Variants in CELF4 observed in about 807,000 individuals in gnomAD.
The protein encoded by CELF4 is CUGBP Elav-like family member 4, also known as CUG-BP- and ETR-3-like factor 4.
A neutral mutation model predicts 59.9 loss-of-function variants in CELF4; 18 were observed. The ratio of observed to expected loss-of-function variants is 0.30; its 90% CI spans 0.21 to 0.45. The LOEUF (loss-of-function observed/expected upper bound fraction) is 0.45, where lower values mean the gene tolerates loss of function less well. Among genes scored for constraint, CELF4 ranks in the 20% least tolerant of loss-of-function variants. The pLI is 1.00. For missense variants in CELF4, 456 were observed against 689.0 expected, an observed-to-expected ratio of 0.66 and a Z score of 3.79; for synonymous variants, 261 against 267.1, an observed-to-expected ratio of 0.98 and a Z score of 0.22.
chr18:37,502,243 C>T (rs981109961), intron 1 of CELF4, among the ~76,000 whole-genome samples: 31 of 152,154 alleles, frequency 2.0e-4, no homozygotes, highest in African/African-American at 3.6e-4. Context: ...CACTAATTAC[C>T]GCACAGACCT....
intron 2 of CELF4, among the ~76,000 whole-genome samples, chr18:37,453,148 C>T (rs2099768933): frequency 6.6e-6 from 1 of 152,256 alleles, no homozygotes; most frequent in South Asian, 2.1e-4. Flanking sequence ...CTGCCTGTAG[C>T]AATACCATTC....
chr18:37,266,866 G>A (rs1159113254), intron 8 of CELF4, among the ~76,000 whole-genome samples: 3 of 152,096 alleles, frequency 2.0e-5, no homozygotes, highest in Non-Finnish European at 2.9e-5. Context: ...GTAAGATGGG[G>A]GCTCATGCAG....
intron 3 of CELF4, among the ~76,000 whole-genome samples, chr18:37,318,362 G>A (rs558356229): frequency 2.0e-5 from 3 of 151,238 alleles, no homozygotes; most frequent in South Asian, 2.1e-4. Context: ...GCCCGCTGCC[G>A]TCATGCCACC....
chr18:37,478,487 A>T (rs2099856856), intron 2 of CELF4, among the ~76,000 whole-genome samples: 1 of 152,224 alleles, frequency 6.6e-6, no homozygotes, highest in Non-Finnish European at 1.5e-5. Context: ...GGCCACTGAG[A>T]AGATGAGGCC....
chr18:37,525,539 G>C (rs1383044310), intron 1 of CELF4, among the ~76,000 whole-genome samples: 1 of 143,772 alleles, frequency 7.0e-6, no homozygotes, highest in African/African-American at 2.5e-5. Flanking sequence ...TTGTGAACTT[G>C]AGCAAATATT....
At chr18:37,289,407 C>T (rs1603028118) in intron 3 of CELF4, among the ~76,000 whole-genome samples, 1 of 152,168 alleles carries the variant, frequency 6.6e-6, no homozygotes, top group African/African-American at 2.4e-5. Context: ...AAAATCAAGA[C>T]ATAGTCCTCC....
chr18:37,448,584 G>C (rs896455400), intron 2 of CELF4, among the ~76,000 whole-genome samples: 1 of 152,198 alleles, frequency 6.6e-6, no homozygotes, highest in African/African-American at 2.4e-5. Context: ...TTTCCGTCTT[G>C]CGCAGGTGCT....
At position 37,449,741 on chromosome 18, in the gene CELF4, G is replaced by A. The variant is rs537360002; in HGVS notation, c.369+35784C>T. Among the ~76,000 whole-genome samples, 6 of 152,336 alleles carry A rather than the reference G, an allele frequency of 3.9e-5. No homozygotes were observed. The South Asian group carries it at 8.3e-4, about 21-fold the overall frequency. On this transcript the variant is annotated intron_variant, in intron 2 of 12. Transcript: ENST00000420428. ...TTGAAAAGAAACTGGAAGGAAGTGA[G>A]AGAGTGAGCCAAGTGAGCATCTGAG...
At chr18:37,474,718 G>A (rs183396668) in intron 2 of CELF4, among the ~76,000 whole-genome samples, 3 of 152,340 alleles carry the variant, frequency 2.0e-5, no homozygotes, top group African/African-American at 7.2e-5. Context: ...AGCTGTCATC[G>A]GAGTTAGAGA....
chr18:37,534,100 A>G (rs900788915), intron 1 of CELF4, among the ~76,000 whole-genome samples: 5 of 152,142 alleles, frequency 3.3e-5, no homozygotes, highest in African/African-American at 1.2e-4. Flanking sequence ...GGGTATTGGC[A>G]ATATTTGCCT....
chr18:37,466,289 A>C (rs1325088842), intron 2 of CELF4, among the ~76,000 whole-genome samples: 3 of 152,230 alleles, frequency 2.0e-5, no homozygotes, highest in African/African-American at 7.2e-5. Flanking sequence ...CACCCATCAC[A>C]TTAATAAGAG....
intron 2 of CELF4, among the ~76,000 whole-genome samples, chr18:37,373,663 G>C (rs1012303449): frequency 3.9e-5 from 6 of 152,224 alleles, no homozygotes; most frequent in Non-Finnish European, 8.8e-5. Context: ...GCCAGGTCTA[G>C]AGTGGGCTCT....
At chr18:37,491,246 G>A (rs1472513181) in intron 1 of CELF4, among the ~76,000 whole-genome samples, 9 of 150,088 alleles carry the variant, frequency 6.0e-5, no homozygotes, top group African/African-American at 2.0e-4. Context: ...AGAGGACGCC[G>A]TGCCCACCTC....
At chr18:37,559,516 C>CT (rs889047984) in intron 1 of CELF4, among the ~76,000 whole-genome samples, 10 of 150,272 alleles carry the variant, frequency 6.7e-5, no homozygotes, top group East Asian at 2.0e-4. Context: ...ACAACTTTCA[C>CT]TTTTTTTTTT....
intron 2 of CELF4, among the ~76,000 whole-genome samples, chr18:37,337,996 T>C (rs536374): frequency 0.88 from 110,873 of 126,666 alleles, 48,666 homozygotes; most frequent in East Asian, 0.96. Flanking sequence ...ACCATTGTCA[T>C]CACTACTGTC....
chr18:37,306,876 C>A (rs2096436293), intron 3 of CELF4, among the ~76,000 whole-genome samples: 1 of 152,214 alleles, frequency 6.6e-6, no homozygotes, highest in Admixed American at 6.5e-5. Context: ...TACAGTGATA[C>A]TCCGTCAGGG....
chr18:37,321,589 A>G (rs2097120909), intron 3 of CELF4, among the ~76,000 whole-genome samples: 1 of 152,088 alleles, frequency 6.6e-6, no homozygotes, highest in African/African-American at 2.4e-5. Flanking sequence ...CATAAACCGC[A>G]CCGTCTGGAA....
In CELF4 at chr18:37,390,807, AG is replaced by A. The variant is rs1004031145; in HGVS notation, c.370-68927del. 1.8e-4 allele frequency among the ~76,000 whole-genome samples: 10 copies of A among 57,094 alleles called. 1 individual carries two copies. The highest frequency in any genetic ancestry group is 1.7e-3 in the South Asian group (2 of 1,206). 37.5% of individuals were successfully genotyped at this position (57,094 alleles called of 152,430 possible). ...GGCTGGTGGTGGTGATGGGGCGGGG[AG>A]GGGGGGCAGTGCTGCTGGCCGGCAC... is the stretch of plus-strand genomic sequence containing the variant. On this transcript the variant is annotated intron_variant, in intron 2 of 12. Transcript: ENST00000420428.
At chr18:37,540,316 T>TG (rs1418370701) in intron 1 of CELF4, among the ~76,000 whole-genome samples, 1 of 152,232 alleles carries the variant, frequency 6.6e-6, no homozygotes, top group Non-Finnish European at 1.5e-5. Context: ...TGATTACATC[T>TG]CTCATTTGTA....
Sources: allele counts gnomAD v4.1 joint callset (sites outside exome capture counted in the v4.1 genomes callset), GRCh38; gene constraint gnomAD v4.1.1; transcripts MANE v1.5; gene names NCBI Gene and HGNC (gene_info 2026-07-23, HGNC 2026-07-21).